SH3TC2: variants seen among roughly 807,000 people sequenced by gnomAD.
SH3TC2 encodes SH3 domain and tetratricopeptide repeats 2.
Under a neutral mutation model 124.5 loss-of-function variants are expected in SH3TC2, and 87 were observed. That is an observed-to-expected ratio of 0.70 (90% CI 0.59 to 0.84). The LOEUF is 0.84. Among genes scored for constraint, SH3TC2 ranks in the 40% least tolerant of loss-of-function variants. SH3TC2 has a pLI of 0.00. For missense variants in SH3TC2, 1,536 were observed against 1,566.4 expected (o/e 0.98, Z 0.33); for synonymous variants, 634 against 628.5 (o/e 1.01, Z -0.13).
At chr5:149,033,630 C>T (rs1754235546) in intron 8 of SH3TC2, among the ~76,000 whole-genome samples, 1 of 152,122 alleles carries the variant, frequency 6.6e-6, no homozygotes, top group Non-Finnish European at 1.5e-5. Flanking sequence ...CATTAAACTC[C>T]CTGGAGTCTG....
rs762092415 is a variant in SH3TC2, at chr5:149,027,437, T to G, written c.2295A>C (p.Lys765Asn). 3.1e-6 allele frequency: 5 copies of G among 1,613,980 alleles called. No individual in the cohort carries two copies. Among genetic ancestry groups the G allele is most frequent in the South Asian group, 2.2e-5 (2 of 91,084 alleles). The change falls in exon 11 of 17, where the codon AAA (lysine) becomes AAC (asparagine). Residue 765 changes from lysine (K) to asparagine (N), a missense_variant. Physicochemically the swap from Lys to Asn is moderately conservative, Grantham distance 94. Transcript: ENST00000515425. ...TQRALCLILS[K>N]VYLEHRSPDG... is the part of the protein sequence containing the mutation. ...CAGGAGACCTGTGCTCGAGGTACAC[T>G]TTGGAAAGGATGAGACACAGGGCCC...
At chr5:149,046,000 G>T (rs758088723) in intron 3 of SH3TC2, 1 of 418,058 alleles carries the variant, frequency 2.4e-6, no homozygotes, top group South Asian at 1.7e-5. Context: ...CCCAGACTTA[G>T]TTTTCCCTTA....
Position 148,984,003 on chromosome 5 carries a change from T to C in SH3TC2, c.*20708A>G, listed in dbSNP as rs1753294598. Among the ~76,000 whole-genome samples the C allele has an allele frequency of 6.6e-6, 1 of 152,188 alleles. No individual in the cohort carries two copies. The highest frequency in any genetic ancestry group is 6.5e-5 in the Admixed American group (1 of 15,272). ...TTTTTTTAAAATTACTTAAGCCAGT[T>C]TGAGTTTCACCTTCTGTTTCTCAAA... On this transcript the variant is annotated 3_prime_UTR_variant, in exon 17 of 17. Coordinates refer to ENST00000515425, the MANE Select transcript of SH3TC2 (RefSeq NM_024577.4).
rs555436987 is a variant in SH3TC2 at position 149,028,199 on chromosome 5, C to T, written c.1533G>A (p.Leu511=). The stretch of plus-strand genomic sequence containing the variant: ...TCTTGGCCCACTTTCTTGATGCCTC[C>T]AGGTAGGCCACAAACTCATCCTCCT... The part of the protein sequence containing the change: ...FSEEDEFVAY[L]EASRKWAKKS... The change falls in exon 11 of 17, where the codon CTG becomes CTA. Residue 511 remains leucine (L), a synonymous_variant. Transcript: ENST00000515425. 1.2e-6 allele frequency: 2 copies of T among 1,614,102 alleles called. No individual in the cohort carries two copies. The highest frequency in any genetic ancestry group is 2.7e-5 in the African/African-American group (2 of 75,062).
In SH3TC2 at chr5:149,012,645, A is replaced by G. The variant is rs537759361; in HGVS notation, c.3143T>C (p.Leu1048Pro). ...GETDKAAEAWLGAGRLHYLMQ... is the reference protein window; with the variant it reads ...GETDKAAEAWPGAGRLHYLMQ... Reference sequence around the variant, plus strand: ...GAGGTAGTGGAGTCGCCCCGCCCCAAGCCAGGCCTCAGCAGCCTTGTCTGT... The same window carrying G: ...GAGGTAGTGGAGTCGCCCCGCCCCAGGCCAGGCCTCAGCAGCCTTGTCTGT... The change falls in exon 13 of 17, where the codon CTT becomes CCT. Residue 1048 changes from leucine (L) to proline (P), a missense_variant. This residue lies in a region of SH3TC2 where 426 missense variants were observed against 443.5 expected (regional missense o/e 0.96). Transcript: ENST00000515425. 17 of 1,614,182 alleles carry G rather than the reference A, an allele frequency of 1.1e-5. No homozygotes were observed. In the East Asian group the frequency reaches 3.6e-4, roughly 34 times the overall value.
At chr5:149,021,884 C>CTTTTTTTCTTTTTTT (rs1753978525) in intron 12 of SH3TC2, among the ~76,000 whole-genome samples, 1 of 32,860 alleles carries the variant, frequency 3.0e-5, no homozygotes, top group African/African-American at 1.4e-4. Flanking sequence ...CAAACTCTTT[C>CTTTTTTTCTTTTTTT]TTTTTTTTTT....
At chr5:149,049,429 T>C (rs1754519776) in intron 2 of SH3TC2, among the ~76,000 whole-genome samples, 1 of 152,200 alleles carries the variant, frequency 6.6e-6, no homozygotes, top group South Asian at 2.1e-4. Flanking sequence ...GGCTTTTCCC[T>C]TTAGCAAAAT....
chr5:149,006,836 G>T (rs1166819045), intron 16 of SH3TC2, 45 bp downstream of exon 16: 1 of 1,574,810 alleles, frequency 6.3e-7, no homozygotes, highest in African/African-American at 1.4e-5. Flanking sequence ...GAAGGAGAAT[G>T]GTTGGGTGGT....
chr5:149,026,287 T>C (rs1754061275), intron 12 of SH3TC2: 5 of 460,148 alleles, frequency 1.1e-5, no homozygotes, highest in South Asian at 9.1e-5. Flanking sequence ...GAGTGTTTTA[T>C]GAGCATTAAC....
At chr5:149,039,566 T>C (rs1485492879) in intron 7 of SH3TC2, among the ~76,000 whole-genome samples, 1 of 152,232 alleles carries the variant, frequency 6.6e-6, no homozygotes, top group Non-Finnish European at 1.5e-5. Flanking sequence ...ATTTTGTGGG[T>C]CGATGGGATC....
chr5:149,054,526 C>T (rs530690539), intron 1 of SH3TC2, among the ~76,000 whole-genome samples: 3 of 152,146 alleles, frequency 2.0e-5, no homozygotes, highest in East Asian at 3.9e-4. Context: ...AAAGTTTGAC[C>T]GTAGACTACA....
At position 149,009,338 on chromosome 5, in the gene SH3TC2, A is replaced by C. The variant is rs118144442; in HGVS notation, c.3328-337T>G. Among the ~76,000 whole-genome samples, 16 of 152,302 alleles carry C rather than the reference A, an allele frequency of 1.1e-4. No individual in the cohort carries two copies. The East Asian group carries it at 3.1e-3, about 29-fold the overall frequency. On this transcript the variant is annotated intron_variant, in intron 14 of 16. Transcript: ENST00000515425. ...GTGCTCCCCTAGCATCCATGGTGCT[A>C]TCTATGAAGCACACATGAGTACACG...
At chr5:149,048,756 G>A (rs998729545) in intron 2 of SH3TC2, among the ~76,000 whole-genome samples, 7 of 152,046 alleles carry the variant, frequency 4.6e-5, no homozygotes, top group South Asian at 2.1e-4. Flanking sequence ...GGAGAAGAGC[G>A]CTATGAAAAA....
rs886060093 is a variant in SH3TC2 at position 148,982,677 on chromosome 5, G to A, written c.*22034C>T. ...AGTATGCTATAATATTTAAAATGGCGGGAGAGTATGTCACTGAATTGTTTT... is the reference window on the plus strand; with the variant it reads ...AGTATGCTATAATATTTAAAATGGCAGGAGAGTATGTCACTGAATTGTTTT... On this transcript the variant is annotated 3_prime_UTR_variant, in exon 17 of 17. Transcript: ENST00000515425. Among the ~76,000 whole-genome samples the A allele has an allele frequency of 8.5e-5, 13 of 152,120 alleles. No homozygotes were observed. The highest frequency in any genetic ancestry group is 1.2e-4 in the African/African-American group (5 of 41,414).
chr5:149,010,644 ATT>A (rs1753769252), intron 13 of SH3TC2, among the ~76,000 whole-genome samples: 1 of 151,888 alleles, frequency 6.6e-6, no homozygotes, highest in African/African-American at 2.4e-5. Flanking sequence ...ATAGAAAAAC[ATT>A]TTGTTTTACT....
intron 1 of SH3TC2, among the ~76,000 whole-genome samples, chr5:149,053,990 G>T (rs141487086): frequency 6.6e-6 from 1 of 152,244 alleles, no homozygotes; most frequent in Non-Finnish European, 1.5e-5. Context: ...ATACAATGGG[G>T]TGACTGTAGT....
chr5:149,045,524 T>C (rs1334976335), intron 3 of SH3TC2: 1 of 150,792 alleles, frequency 6.6e-6, no homozygotes, highest in African/African-American at 2.5e-5. Flanking sequence ...TGCAAGGATA[T>C]GCACATTTTC....
At chr5:149,014,626 T>C (rs1321343556) in intron 12 of SH3TC2, among the ~76,000 whole-genome samples, 1 of 152,170 alleles carries the variant, frequency 6.6e-6, no homozygotes, top group Non-Finnish European at 1.5e-5. Context: ...ATGAGATTTA[T>C]TGACATCCCA....
rs1031843480 is a variant in SH3TC2 at position 148,994,490 on chromosome 5, G to T, written c.*10221C>A. On this transcript the variant is annotated 3_prime_UTR_variant, in exon 17 of 17. Transcript: ENST00000515425. ...GAGCCCATAGGACTTATGAAGACAG[G>T]GACTGTCATTATCTTGCTCACTGGA... Among the ~76,000 whole-genome samples, 1 of 152,274 alleles carries T rather than the reference G, an allele frequency of 6.6e-6. No individual in the cohort carries two copies. Among genetic ancestry groups the T allele is most frequent in the South Asian group, 2.1e-4 (1 of 4,826 alleles).
Sources: allele counts gnomAD v4.1 joint callset (sites outside exome capture counted in the v4.1 genomes callset), GRCh38; gene constraint gnomAD v4.1.1; regional missense constraint gnomAD v4.1.1; transcripts MANE v1.5; gene names NCBI Gene and HGNC (gene_info 2026-07-23, HGNC 2026-07-21).